Variants in IARS1 observed in about 807,000 individuals in gnomAD.
IARS1 encodes isoleucine--tRNA ligase, cytoplasmic.
IARS1 carries 124 observed loss-of-function variants against 168.2 expected under a neutral mutation model. That is an observed-to-expected ratio of 0.74 (90% confidence interval 0.64 to 0.86). IARS1 has a LOEUF of 0.86. IARS1 is among the 40% of genes least tolerant of loss of function. The probability of loss-of-function intolerance (pLI) is 0.00; values close to 1 mark genes in which losing one functional copy is unlikely to be tolerated. For synonymous variants in IARS1, 532 were observed against 529.4 expected (o/e 1.00, Z -0.07); for missense variants, 1,452 against 1,515.8 (o/e 0.96, Z 0.70).
chr9:92,277,805 C>A, intron 9 of IARS1, 58 bp downstream of exon 9: 1 of 1,432,006 alleles, frequency 7.0e-7, no homozygotes, highest in Non-Finnish European at 9.7e-7. Flanking sequence ...TCACAACACC[C>A]CAGCTATCAA....
At chr9:92,228,707 C>T (rs937333592) in intron 31 of IARS1, among the ~76,000 whole-genome samples, 2 of 152,110 alleles carry the variant, frequency 1.3e-5, no homozygotes, top group Admixed American at 1.3e-4. Context: ...GAGTGAGACC[C>T]TGTCTCAAAA....
chr9:92,251,675 G>T, intron 22 of IARS1, 133 bp downstream of exon 22: 1 of 639,318 alleles, frequency 1.6e-6, no homozygotes. Flanking sequence ...AGAGCTATAA[G>T]GTGTTATAAA....
At chr9:92,254,861 C>G (rs1425399266) in intron 20 of IARS1, among the ~76,000 whole-genome samples, 1 of 152,184 alleles carries the variant, frequency 6.6e-6, no homozygotes, top group Non-Finnish European at 1.5e-5. Context: ...GGGACTTAAA[C>G]ACGGCCCACA....
chr9:92,270,915 T>G, intron 12 of IARS1, 70 bp downstream of exon 12: 1 of 996,542 alleles, frequency 1.0e-6, no homozygotes, highest in Non-Finnish European at 1.5e-6. Context: ...TAAGATGGAA[T>G]GGGCACATAT....
chr9:92,230,339 C>T (rs1375585762), intron 30 of IARS1, among the ~76,000 whole-genome samples: 1 of 152,148 alleles, frequency 6.6e-6, no homozygotes, highest in Non-Finnish European at 1.5e-5. Context: ...TCTCAAACTC[C>T]TGACCTCAGG....
chr9:92,264,409 T>C (rs1331253207), intron 16 of IARS1, among the ~76,000 whole-genome samples: 3 of 152,054 alleles, frequency 2.0e-5, no homozygotes, highest in East Asian at 1.9e-4. Context: ...ATTCACCTTC[T>C]TCCAATTAAG....
intron 11 of IARS1, 55 bp from the exon 12 acceptor site, chr9:92,271,131 A>G: frequency 9.8e-7 from 1 of 1,022,852 alleles, no homozygotes; most frequent in Middle Eastern, 2.2e-4. Flanking sequence ...ACTTAGGAAC[A>G]ATATATTACT....
chr9:92,217,065 C>A (rs1838830903), intron 33 of IARS1, among the ~76,000 whole-genome samples: 1 of 148,480 alleles, frequency 6.7e-6, no homozygotes, highest in Non-Finnish European at 1.5e-5. Context: ...GAAATTATAA[C>A]AAACTGTCTC....
chr9:92,287,654 T>C (rs1459377379), intron 4 of IARS1, 137 bp downstream of exon 4: 8 of 882,988 alleles, frequency 9.1e-6, no homozygotes, highest in Admixed American at 5.8e-5. Context: ...GTTTAAGTAA[T>C]AGGGTTGAAG....
In IARS1 at chr9:92,283,186, A is replaced by C. The variant is rs191483464; in HGVS notation, c.598-2293T>G. Among the ~76,000 whole-genome samples the C allele has an allele frequency of 2.2e-4, 33 of 152,344 alleles. No individual in the cohort carries two copies. In the East Asian group the frequency reaches 6.4e-3, roughly 29 times the overall value. ...AGACCGCGTAGAATAGAGGTCAGCA[A>C]ACCATGGCCCCTGGGCCAAATCTGG... On this transcript the variant is annotated intron_variant, in intron 6 of 33. Coordinates refer to ENST00000443024, the MANE Select transcript of IARS1 (RefSeq NM_002161.6).
chr9:92,242,336 AAC>A lies in IARS1; in HGVS notation c.3001-8_3001-7del, dbSNP rs755447093. 13 of 1,605,414 alleles carry A rather than the reference AAC, an allele frequency of 8.1e-6. No homozygotes were observed. The African/African-American group carries it at 1.2e-4, about 15-fold the overall frequency. On this transcript the variant is annotated splice_region_variant and splice_polypyrimidine_tract_variant and intron_variant, in intron 28 of 33. Coordinates refer to ENST00000443024, the MANE Select transcript of IARS1 (RefSeq NM_002161.6). Reference sequence around the variant, plus strand: ...TCAGTTGGAACCAGATTGCACTGAAAACACACACAGAAAAATTTAAAAGGGAA... The same window carrying A: ...TCAGTTGGAACCAGATTGCACTGAAAACACACAGAAAAATTTAAAAGGGAA...
At position 92,269,999 on chromosome 9, in the gene IARS1, C is replaced by T. The variant is rs377227018; in HGVS notation, c.1206-16G>A. 8.3e-5 allele frequency: 129 copies of T among 1,549,702 alleles called. 2 individuals carry two copies. The Middle Eastern group carries it at 1.2e-3, about 14-fold the overall frequency. The stretch of plus-strand genomic sequence containing the variant: ...AGTGTCTGATCTGGGGAAGCAGAAA[C>T]ACACACATAGCTGCTCAGGCTGAGA... On this transcript the variant is annotated splice_polypyrimidine_tract_variant and intron_variant, in intron 12 of 33. Coordinates refer to ENST00000443024, the MANE Select transcript of IARS1 (RefSeq NM_002161.6).
At chr9:92,280,619 CTAAT>C in intron 7 of IARS1, 123 bp downstream of exon 7, 2 of 522,864 alleles carry the variant, frequency 3.8e-6, no homozygotes, top group Non-Finnish European at 6.4e-6. Context: ...AGTTATTTTT[CTAAT>C]TAAGTCAGAT....
intron 26 of IARS1, 71 bp from the exon 27 acceptor site, chr9:92,245,142 T>C: frequency 1.7e-6 from 2 of 1,153,922 alleles, no homozygotes; most frequent in Admixed American, 1.7e-5. Context: ...CCGTGTATTA[T>C]GCCCCTTCTT....
chr9:92,238,654 A>G (rs1827920217), intron 30 of IARS1, among the ~76,000 whole-genome samples: 1 of 152,208 alleles, frequency 6.6e-6, no homozygotes, highest in Middle Eastern at 3.2e-3. Context: ...GGACTAATAC[A>G]GTTACTTAAA....
chr9:92,287,949 T>C (rs1464972514), intron 3 of IARS1, 39 bp from the exon 4 acceptor site: 2 of 1,607,982 alleles, frequency 1.2e-6, no homozygotes, highest in Non-Finnish European at 1.7e-6. Flanking sequence ...CGCTGCCCTA[T>C]GAAAACAACT....
intron 12 of IARS1, 141 bp from the exon 13 acceptor site, chr9:92,270,124 C>T: frequency 1.8e-6 from 1 of 551,722 alleles, no homozygotes; most frequent in Non-Finnish European, 3.3e-6. Flanking sequence ...TAGATAAAAA[C>T]ATCTAAGACT....
chr9:92,241,947 G>A (rs1049071424), intron 29 of IARS1, among the ~76,000 whole-genome samples: 4 of 152,160 alleles, frequency 2.6e-5, no homozygotes, highest in African/African-American at 7.2e-5. Flanking sequence ...CAAGAGAACT[G>A]TTGTGAAAAC....
At chr9:92,210,911 GAA>G (rs35288957) in intron 33 of IARS1, 22 bp from the exon 34 acceptor site, 1 of 1,468,106 alleles carries the variant, frequency 6.8e-7, no homozygotes, top group Non-Finnish European at 9.5e-7. Context: ...AGAAAAAGTT[GAA>G]AAAAAATCAG....
Sources: gnomAD v4.1 joint callset for allele counts (sites outside exome capture counted in the v4.1 genomes callset) on GRCh38, gnomAD v4.1.1 for gene constraint, MANE v1.5 for transcripts, NCBI Gene and HGNC (gene_info 2026-07-23, HGNC 2026-07-21) for gene names.